The following PTAFR variants were observed in gnomAD, a reference collection of about 807,000 sequenced individuals.
PTAFR encodes the protein platelet-activating factor receptor.
A neutral mutation model predicts 14.7 loss-of-function variants in PTAFR; 8 were observed. The observed-to-expected ratio is 0.54, with a 90% CI of 0.32 to 0.98. The LOEUF (loss-of-function observed/expected upper bound fraction) is 0.98, where lower values mean the gene tolerates loss of function less well. PTAFR is among the 50% of genes least tolerant of loss of function. PTAFR has a pLI of 0.04. For missense variants in PTAFR, 337 were observed against 451.2 expected (o/e 0.75, Z 2.29); for synonymous variants, 156 against 176.5 (o/e 0.88, Z 0.92).
At chr1:28,152,408 C>T (rs1646204186) in intron 1 of PTAFR, among the ~76,000 whole-genome samples, 1 of 151,880 alleles carries the variant, frequency 6.6e-6, no homozygotes, top group South Asian at 2.1e-4. Context: ...TCAAGACCAG[C>T]CTGGCCAACA....
chr1:28,165,403 C>CAAAAAAAAAAAAAAAAAAAAAAGAAA (rs1646373829), intron 1 of PTAFR, among the ~76,000 whole-genome samples: 1 of 45,896 alleles, frequency 2.2e-5, no homozygotes, highest in Non-Finnish European at 4.5e-5. Flanking sequence ...GACTCTGTCT[C>CAAAAAAAAAAAAAAAAAAAAAAGAAA]AAAAAAAAAA....
At chr1:28,176,467 A>T (rs1044902941) in intron 1 of PTAFR, 125 bp downstream of exon 1, 2 of 148,652 alleles carry the variant, frequency 1.3e-5, no homozygotes, top group Non-Finnish European at 3.0e-5. Flanking sequence ...AAAAAAAAAG[A>T]AAAGAAAAGA....
intron 1 of PTAFR, among the ~76,000 whole-genome samples, chr1:28,187,531 G>C (rs899063717): frequency 1.3e-5 from 2 of 152,088 alleles, no homozygotes; most frequent in Non-Finnish European, 2.9e-5. Context: ...TTTTAAGACA[G>C]AGTCTCGCTC....
intron 1 of PTAFR, among the ~76,000 whole-genome samples, chr1:28,161,740 A>G (rs1646326513): frequency 6.6e-6 from 1 of 152,188 alleles, no homozygotes; most frequent in Non-Finnish European, 1.5e-5. Context: ...AAGTCAATGA[A>G]GCTTAAGCTT....
rs1646158235 is a variant in PTAFR, at chr1:28,149,884, C to T, written c.*109G>A. Reference sequence around the variant, plus strand: ...TGAGGTAGCCTCCAAATCTAATGGCCCACCAGTGCCCACAGAGGTGGTGCC... The same window carrying T: ...TGAGGTAGCCTCCAAATCTAATGGCTCACCAGTGCCCACAGAGGTGGTGCC... On this transcript the variant is annotated 3_prime_UTR_variant, in exon 2 of 2. Transcript: ENST00000373857. 7.2e-6 allele frequency: 10 copies of T among 1,393,422 alleles called. No individual in the cohort carries two copies. The highest frequency in any genetic ancestry group is 2.5e-4 in the Middle Eastern group (1 of 3,964). The allele number at this position is 1,393,422 out of a possible 1,614,324, so 86.3% of individuals were successfully genotyped here.
At chr1:28,190,567 T>G (rs2149009850) in intron 1 of PTAFR, among the ~76,000 whole-genome samples, 1 of 152,292 alleles carries the variant, frequency 6.6e-6, no homozygotes, top group African/African-American at 2.4e-5. Context: ...TCCAGGAATA[T>G]GCCACATCAT....
rs1646157948 is a variant in PTAFR at position 28,149,852 on chromosome 1, G to T, written c.*141C>A. The T allele has an allele frequency of 4.3e-6, 5 of 1,150,564 alleles. No individual in the cohort carries two copies. Among genetic ancestry groups the T allele is most frequent in the East Asian group, 4.8e-5 (2 of 41,754 alleles). The allele number at this position is 1,150,564 out of a possible 1,614,324, so 71.3% of individuals were successfully genotyped here. ...ACAGCCTGGCTCTGCCATCATCCCT[G>T]CCCAGGTGAGGTAGCCTCCAAATCT... On this transcript the variant is annotated 3_prime_UTR_variant, in exon 2 of 2. Transcript: ENST00000373857.
intron 1 of PTAFR, among the ~76,000 whole-genome samples, chr1:28,173,246 C>A (rs1646471450): frequency 7.2e-6 from 1 of 139,098 alleles, no homozygotes. Context: ...CACGATCATG[C>A]CACTGCTCTT....
chr1:28,163,192 G>A (rs1646344955), intron 1 of PTAFR, among the ~76,000 whole-genome samples: 1 of 152,118 alleles, frequency 6.6e-6, no homozygotes, highest in South Asian at 2.1e-4. Context: ...CTTCCTCTGG[G>A]ATGCCTTCCC....
intron 1 of PTAFR, among the ~76,000 whole-genome samples, chr1:28,167,714 T>G (rs1272070544): frequency 7.0e-6 from 1 of 143,566 alleles, no homozygotes; most frequent in Non-Finnish European, 1.5e-5. Context: ...GGCACGATCT[T>G]GGTTCACTGC....
rs921960079 is a variant in PTAFR, at chr1:28,147,645, C to A, written c.*2348G>T. On this transcript the variant is annotated 3_prime_UTR_variant, in exon 2 of 2. Coordinates refer to ENST00000373857, the MANE Select transcript of PTAFR (RefSeq NM_000952.5). ...TCTATGTGTTCAGGTAAGGGACCTG[C>A]AAAGCCTGAACAGCCTCCCTAAATC... is the stretch of plus-strand genomic sequence containing the variant. 2 of 152,152 alleles carry A rather than the reference C, an allele frequency of 1.3e-5. No homozygotes were observed. Among genetic ancestry groups the A allele is most frequent in the African/African-American group, 4.8e-5 (2 of 41,420 alleles). The allele number at this position is 152,152 out of a possible 1,614,324, so 9.4% of individuals were successfully genotyped here.
intron 1 of PTAFR, among the ~76,000 whole-genome samples, chr1:28,154,830 A>AAAAAG (rs1557686017): frequency 7.3e-6 from 1 of 136,770 alleles, no homozygotes; most frequent in African/African-American, 2.9e-5. Context: ...AAAAAAAAAA[A>AAAAAG]AGTGGGGGGG....
chr1:28,160,924 G>C (rs1163057256), intron 1 of PTAFR, among the ~76,000 whole-genome samples: 1 of 152,116 alleles, frequency 6.6e-6, no homozygotes, highest in Non-Finnish European at 1.5e-5. Flanking sequence ...ACCCAAACTT[G>C]GTGCCTATCA....
intron 1 of PTAFR, among the ~76,000 whole-genome samples, chr1:28,153,618 G>A (rs571683003): frequency 2.2e-4 from 33 of 151,288 alleles, no homozygotes; most frequent in Middle Eastern, 3.5e-3. Context: ...GGCTAGGCGC[G>A]GTGGCTCACA....
chr1:28,174,250 C>T (rs1003212788), intron 1 of PTAFR, among the ~76,000 whole-genome samples: 2 of 152,096 alleles, frequency 1.3e-5, no homozygotes, highest in Non-Finnish European at 2.9e-5. Flanking sequence ...GGGGTGCTGC[C>T]GGCTCCTGCT....
At chr1:28,184,021 C>A (rs1179325901) in intron 1 of PTAFR, among the ~76,000 whole-genome samples, 2 of 151,978 alleles carry the variant, frequency 1.3e-5, no homozygotes, top group African/African-American at 4.8e-5. Flanking sequence ...CTCCACCTCC[C>A]CGCTGGATTG....
At chr1:28,163,138 C>G (rs1646344261) in intron 1 of PTAFR, among the ~76,000 whole-genome samples, 1 of 152,164 alleles carries the variant, frequency 6.6e-6, no homozygotes, top group African/African-American at 2.4e-5. Flanking sequence ...TATTGCTTTA[C>G]CTAGAAAAAT....
rs771940314 is a variant in PTAFR, at chr1:28,150,886, A to G, written c.136T>C (p.Cys46Arg). Reference sequence around the variant, plus strand: ...ATCTTTATCTCATTGAATTTCTTGCAAGGGTACAGGCGGGCAAAGACCCAC... The same window carrying G: ...ATCTTTATCTCATTGAATTTCTTGCGAGGGTACAGGCGGGCAAAGACCCAC... ...VLWVFARLYP[C>R]KKFNEIKIFM... Residue 46 changes from cysteine (C) to arginine (R), a missense_variant, in exon 2 of 2, where the codon TGC (cysteine) becomes CGC (arginine). Cys to Arg is a radical substitution (Grantham distance 180). Coordinates refer to ENST00000373857, the MANE Select transcript of PTAFR (RefSeq NM_000952.5). The surrounding 1 kb of genome is among the most constrained non-coding windows in gnomAD (Gnocchi z 6.3). 2 of 1,614,130 alleles carry G rather than the reference A, an allele frequency of 1.2e-6. No individual in the cohort carries two copies. Among genetic ancestry groups the G allele is most frequent in the South Asian group, 2.2e-5 (2 of 91,074 alleles).
rs1211991128 is a variant in PTAFR at position 28,149,268 on chromosome 1, G to A, written c.*725C>T. 1 of 151,766 alleles carries A rather than the reference G, an allele frequency of 6.6e-6. No individual in the cohort carries two copies. Among genetic ancestry groups the A allele is most frequent in the East Asian group, 1.9e-4 (1 of 5,184 alleles). 9.4% of individuals were successfully genotyped at this position (151,766 alleles called of 1,614,324 possible). Reference sequence around the variant, plus strand: ...CCCCAAGGTAGTGCCATACAGTGAGGGCAGTGTCCTTTCCTAACCCAGTCT... The same window carrying A: ...CCCCAAGGTAGTGCCATACAGTGAGAGCAGTGTCCTTTCCTAACCCAGTCT... On this transcript the variant is annotated 3_prime_UTR_variant, in exon 2 of 2. Transcript: ENST00000373857.
Sources: gnomAD v4.1 joint callset for allele counts (sites outside exome capture counted in the v4.1 genomes callset) on GRCh38, gnomAD v4.1.1 for gene constraint, Gnocchi (gnomAD v3.1) non-coding constraint, MANE v1.5 for transcripts, NCBI Gene and HGNC (gene_info 2026-07-23, HGNC 2026-07-21) for gene names.